The following CHN2 variants were observed in gnomAD, a reference collection of about 807,000 sequenced individuals.
CHN2 encodes the protein chimerin 2.
In CHN2, 35 loss-of-function variants were observed where a neutral mutation model predicts 56.3. The ratio of observed to expected loss-of-function variants is 0.62; its 90% CI spans 0.47 to 0.82. The LOEUF (loss-of-function observed/expected upper bound fraction) is 0.82. CHN2 is among the 40% of genes least tolerant of loss of function. The pLI, the probability that CHN2 is intolerant of heterozygous loss-of-function variation, is 0.00. For synonymous variants in CHN2, 210 were observed against 212.8 expected (o/e 0.99, Z 0.12); for missense variants, 491 against 580.5 (o/e 0.85, Z 1.58).
chr7:29,478,584 C>T (rs1233083716), intron 6 of CHN2, among the ~76,000 whole-genome samples: 1 of 152,176 alleles, frequency 6.6e-6, no homozygotes, highest in African/African-American at 2.4e-5. Context: ...AGCATGGGCG[C>T]TGGACACAGA....
rs117915225 is a variant in CHN2, at chr7:29,425,628, C to T, written c.576+24800C>T. Among the ~76,000 whole-genome samples, 28 of 152,216 alleles carry T rather than the reference C, an allele frequency of 1.8e-4. 1 individual carries two copies. The East Asian group carries it at 4.2e-3, about 23-fold the overall frequency. On this transcript the variant is annotated intron_variant, in intron 6 of 12. Coordinates refer to ENST00000222792, the MANE Select transcript of CHN2 (RefSeq NM_004067.4). ...CTAACTGTAGCAGAAGTGGGGTATT[C>T]GGGTAGGTGTTCTGACTTTTCCCCT... is the stretch of plus-strand genomic sequence containing the variant.
At chr7:29,230,336 C>T (rs1287305305) in intron 1 of CHN2, among the ~76,000 whole-genome samples, 1 of 152,064 alleles carries the variant, frequency 6.6e-6, no homozygotes, top group Admixed American at 6.6e-5. Context: ...ATAGTGTAAA[C>T]CCAATTCCTC....
intron 12 of CHN2, among the ~76,000 whole-genome samples, chr7:29,512,200 G>C (rs1019274333): frequency 1.3e-5 from 2 of 151,746 alleles, no homozygotes; most frequent in Non-Finnish European, 2.9e-5. Flanking sequence ...AACGCCTTCT[G>C]TATAAGGCCT....
intron 6 of CHN2, among the ~76,000 whole-genome samples, chr7:29,477,645 G>A (rs1244045842): frequency 1.3e-5 from 2 of 152,232 alleles, no homozygotes; most frequent in African/African-American, 4.8e-5. Context: ...CCCTGCAAAG[G>A]TATGCCAAGC....
chr7:29,303,706 G>A lies in CHN2; in HGVS notation c.50-50919G>A, dbSNP rs189234825. Among the ~76,000 whole-genome samples the A allele has an allele frequency of 4.4e-3, 667 of 152,288 alleles. 4 individuals are homozygous for A. Among genetic ancestry groups the A allele is most frequent in the Non-Finnish European group, 4.6e-3 (310 of 68,030 alleles). ...AAATCATGCCAGGGCTCAAGACTTCGAAGCAGAAGATAATCCATTTCTTAG... is the reference window on the plus strand; with the variant it reads ...AAATCATGCCAGGGCTCAAGACTTCAAAGCAGAAGATAATCCATTTCTTAG... On this transcript the variant is annotated intron_variant, in intron 1 of 12. Transcript: ENST00000222792.
At position 29,512,422 on chromosome 7, in the gene CHN2, A is replaced by G. The variant is rs1791584974; in HGVS notation, c.1236-142A>G. The G allele has an allele frequency of 6.2e-6, 4 of 647,948 alleles. No individual in the cohort carries two copies. In the Admixed American group the frequency reaches 1.5e-4, roughly 24 times the overall value. The allele number at this position is 647,948 out of a possible 1,614,324, so 40.1% of individuals were successfully genotyped here. A position where few individuals can be genotyped will look rare whatever the true frequency, so the allele number is the denominator to read the frequency against. Reference sequence around the variant, plus strand: ...ATCAGTAAATTACCCTTCCAAAAATACCTTTCTGCTGTTCTGATTCCCAAT... The same window carrying G: ...ATCAGTAAATTACCCTTCCAAAAATGCCTTTCTGCTGTTCTGATTCCCAAT... On this transcript the variant is annotated intron_variant, in intron 12 of 12. Transcript: ENST00000222792.
chr7:29,275,945 GT>G (rs1162561598), intron 1 of CHN2, among the ~76,000 whole-genome samples: 8 of 152,216 alleles, frequency 5.3e-5, no homozygotes, highest in African/African-American at 1.2e-4. Flanking sequence ...TGTGATACCT[GT>G]TGGGTACTAT....
chr7:29,480,835 A>G (rs899390071), intron 7 of CHN2, among the ~76,000 whole-genome samples: 4 of 152,258 alleles, frequency 2.6e-5, no homozygotes, highest in Non-Finnish European at 4.4e-5. Flanking sequence ...GTGAAATCAA[A>G]TAATGACAGG....
chr7:29,232,844 A>C (rs1406172359), intron 1 of CHN2, among the ~76,000 whole-genome samples: 9 of 152,172 alleles, frequency 5.9e-5, no homozygotes, highest in Non-Finnish European at 2.9e-5. Flanking sequence ...TTTGTGACAG[A>C]CATTATTTTA....
At chr7:29,391,825 G>A (rs1801393053) in intron 3 of CHN2, among the ~76,000 whole-genome samples, 1 of 152,178 alleles carries the variant, frequency 6.6e-6, no homozygotes, top group Admixed American at 6.5e-5. Flanking sequence ...GAACATAAGG[G>A]TGCTGTGTAT....
At chr7:29,267,318 C>G (rs931029614) in intron 1 of CHN2, among the ~76,000 whole-genome samples, 5 of 151,658 alleles carry the variant, frequency 3.3e-5, no homozygotes, top group Non-Finnish European at 5.9e-5. Context: ...TCTTGGCTCA[C>G]TGCAACCTCT....
intron 6 of CHN2, among the ~76,000 whole-genome samples, chr7:29,406,218 A>G (rs984551074): frequency 7.9e-5 from 12 of 152,160 alleles, no homozygotes; most frequent in Non-Finnish European, 1.6e-4. Context: ...GGGGTTTGGT[A>G]CAGATGGGGA....
intron 2 of CHN2, among the ~76,000 whole-genome samples, chr7:29,364,920 AC>A (rs1354049879): frequency 2.6e-5 from 4 of 152,188 alleles, no homozygotes; most frequent in Non-Finnish European, 4.4e-5. Context: ...ACAGATGTAA[AC>A]AAAACTGAAT....
chr7:29,228,917 A>G (rs557055852), intron 1 of CHN2, among the ~76,000 whole-genome samples: 1 of 152,168 alleles, frequency 6.6e-6, no homozygotes, highest in Non-Finnish European at 1.5e-5. Context: ...TTTCACGCCC[A>G]TTCTTCCTTT....
chr7:29,460,594 T>C (rs1785094250), intron 6 of CHN2, among the ~76,000 whole-genome samples: 1 of 152,242 alleles, frequency 6.6e-6, no homozygotes, highest in Non-Finnish European at 1.5e-5. Context: ...CCAGAGGTCA[T>C]GAGGCAAGTG....
intron 1 of CHN2, among the ~76,000 whole-genome samples, chr7:29,264,708 A>G (rs1193923154): frequency 6.6e-6 from 1 of 152,150 alleles, no homozygotes; most frequent in Non-Finnish European, 1.5e-5. Flanking sequence ...TGGGAAAACC[A>G]GAGACCTTTG....
intron 7 of CHN2, among the ~76,000 whole-genome samples, chr7:29,486,204 C>A (rs1462638110): frequency 6.6e-6 from 1 of 152,144 alleles, no homozygotes; most frequent in Non-Finnish European, 1.5e-5. Flanking sequence ...TTATTGACTG[C>A]AGAAACCCCA....
intron 1 of CHN2, among the ~76,000 whole-genome samples, chr7:29,345,230 G>A (rs1477340563): frequency 6.6e-6 from 1 of 152,194 alleles, no homozygotes; most frequent in Non-Finnish European, 1.5e-5. Flanking sequence ...TACCCAACAG[G>A]CTAAGGCTGA....
intron 9 of CHN2, among the ~76,000 whole-genome samples, chr7:29,503,990 A>AT (rs1226135157): frequency 6.6e-6 from 1 of 152,202 alleles, no homozygotes; most frequent in Non-Finnish European, 1.5e-5. Flanking sequence ...CTTAGCCTAA[A>AT]TTTGCAGTGA....
Sources: allele counts gnomAD v4.1 joint callset (sites outside exome capture counted in the v4.1 genomes callset), GRCh38; gene constraint gnomAD v4.1.1; transcripts MANE v1.5; gene names NCBI Gene and HGNC (gene_info 2026-07-23, HGNC 2026-07-21).